The following FOXP2 variants were observed in gnomAD, a reference collection of about 807,000 sequenced individuals.
The protein encoded by FOXP2 is forkhead box protein P2.
A neutral mutation model predicts 115.8 loss-of-function variants in FOXP2; 12 were observed. The ratio of observed to expected loss-of-function variants is 0.10; its 90% CI spans 0.07 to 0.17. The LOEUF is 0.17. Among genes scored for constraint, FOXP2 ranks in the 10% least tolerant of loss-of-function variants. FOXP2 has a pLI of 1.00. For synonymous variants in FOXP2, 328 were observed against 297.7 expected, an observed-to-expected ratio of 1.10 and a Z score of -1.05; for missense variants, 629 against 843.5, an observed-to-expected ratio of 0.75 and a Z score of 3.15.
intron 2 of FOXP2, among the ~76,000 whole-genome samples, chr7:114,447,952 G>GA (rs919996896): frequency 2.0e-5 from 3 of 151,792 alleles, no homozygotes; most frequent in Middle Eastern, 3.4e-3. Flanking sequence ...TCTAGCAGAT[G>GA]AAAAAAAAGT....
chr7:114,203,770 G>A (rs1377983342), intron 1 of FOXP2, among the ~76,000 whole-genome samples: 2 of 151,988 alleles, frequency 1.3e-5, no homozygotes, highest in Non-Finnish European at 2.9e-5. Flanking sequence ...TTGCCACGTT[G>A]CAGTTGAGTA....
intron 2 of FOXP2, among the ~76,000 whole-genome samples, chr7:114,506,697 T>C (rs866906555): frequency 2.3e-4 from 35 of 151,860 alleles, no homozygotes; most frequent in Admixed American, 6.6e-4. Flanking sequence ...ATATTTCACA[T>C]TTATTGCAAC....
chr7:114,488,936 T>C (rs1046033736), intron 2 of FOXP2, among the ~76,000 whole-genome samples: 1 of 152,056 alleles, frequency 6.6e-6, no homozygotes, highest in Admixed American at 6.6e-5. Context: ...CTGTGAAATA[T>C]GAACACTTTT....
At chr7:114,596,213 G>A (rs1057417863) in intron 3 of FOXP2, among the ~76,000 whole-genome samples, 3 of 151,970 alleles carry the variant, frequency 2.0e-5, no homozygotes, top group Non-Finnish European at 2.9e-5. Context: ...ATCTCCTTAT[G>A]AATAGCTCCA....
intron 10 of FOXP2, among the ~76,000 whole-genome samples, chr7:114,657,685 G>A (rs946770687): frequency 6.6e-6 from 1 of 152,130 alleles, no homozygotes; most frequent in East Asian, 1.9e-4. Context: ...AATCCTATTG[G>A]TTAAAAACAT....
chr7:114,476,593 G>T (rs887166543), intron 2 of FOXP2, among the ~76,000 whole-genome samples: 1 of 151,772 alleles, frequency 6.6e-6, no homozygotes, highest in African/African-American at 2.4e-5. Context: ...GGATTACTTT[G>T]GCTATTCAGG....
At chr7:114,463,308 T>C in intron 2 of FOXP2, 1 of 221,358 alleles carries the variant, frequency 4.5e-6, no homozygotes, top group Non-Finnish European at 9.4e-6. Flanking sequence ...TTTGAATGTT[T>C]AGAACAGTGC....
intron 16 of FOXP2, among the ~76,000 whole-genome samples, chr7:114,687,708 A>G (rs1232909485): frequency 3.3e-5 from 5 of 152,204 alleles, no homozygotes; most frequent in Admixed American, 6.5e-5. Context: ...GTTTGTTACC[A>G]TATGATAAAT....
intron 3 of FOXP2, among the ~76,000 whole-genome samples, chr7:114,574,883 G>A (rs763414871): frequency 1.3e-5 from 2 of 151,790 alleles, no homozygotes; most frequent in African/African-American, 4.8e-5. Context: ...CCTAGCCTTG[G>A]TATAACTGCT....
chr7:114,271,680 T>C (rs1193312395), intron 1 of FOXP2, among the ~76,000 whole-genome samples: 4 of 117,658 alleles, frequency 3.4e-5, no homozygotes, highest in African/African-American at 1.4e-4. Context: ...TATTTAAAAT[T>C]ATATTTAATA....
At chr7:114,258,635 T>C (rs1431021385) in intron 1 of FOXP2, among the ~76,000 whole-genome samples, 1 of 152,228 alleles carries the variant, frequency 6.6e-6, no homozygotes, top group Non-Finnish European at 1.5e-5. Context: ...TTCATTTTAC[T>C]GGCACAACAT....
At chr7:114,397,982 G>GT (rs575066334) in intron 2 of FOXP2, among the ~76,000 whole-genome samples, 18 of 150,018 alleles carry the variant, frequency 1.2e-4, no homozygotes, top group East Asian at 7.8e-4. Context: ...CGAAGATTAA[G>GT]TTTTTTTTTT....
At chr7:114,418,703 A>G (rs954111109) in intron 1 of FOXP2, among the ~76,000 whole-genome samples, 3 of 151,964 alleles carry the variant, frequency 2.0e-5, no homozygotes, top group Admixed American at 6.6e-5. Flanking sequence ...CAGAAGGTCA[A>G]TGGCTTTTTT....
intron 1 of FOXP2, among the ~76,000 whole-genome samples, chr7:114,089,067 T>G (rs1331635786): frequency 6.6e-6 from 1 of 152,162 alleles, no homozygotes; most frequent in East Asian, 1.9e-4. Flanking sequence ...TCTTGCCTGC[T>G]TAACTTCTTT....
chr7:114,368,452 A>G (rs905615903), intron 2 of FOXP2, among the ~76,000 whole-genome samples: 34 of 152,198 alleles, frequency 2.2e-4, no homozygotes, highest in African/African-American at 8.0e-4. Context: ...AAATGGCCCT[A>G]TAACCATTTA....
intron 3 of FOXP2, among the ~76,000 whole-genome samples, chr7:114,579,374 G>T (rs978350128): frequency 3.3e-5 from 5 of 152,042 alleles, no homozygotes; most frequent in African/African-American, 1.2e-4. Flanking sequence ...GGGTACAGAG[G>T]TTACAGAATT....
intron 3 of FOXP2, among the ~76,000 whole-genome samples, chr7:114,568,803 A>T (rs778571124): frequency 2.2e-4 from 34 of 151,854 alleles, no homozygotes; most frequent in South Asian, 6.2e-4. Context: ...ATTTATTTTT[A>T]TTACTGTACT....
chr7:114,463,418 G>A (rs979871354), intron 2 of FOXP2, among the ~76,000 whole-genome samples: 2 of 152,170 alleles, frequency 1.3e-5, no homozygotes, highest in African/African-American at 4.8e-5. Flanking sequence ...CCATGAAAGT[G>A]GCCAATGTCA....
At chr7:114,588,156 A>C (rs1211178783) in intron 3 of FOXP2, among the ~76,000 whole-genome samples, 4 of 151,754 alleles carry the variant, frequency 2.6e-5, no homozygotes, top group African/African-American at 9.7e-5. Flanking sequence ...AAAAATACAA[A>C]AAAATTAGCC....
Sources: allele counts gnomAD v4.1 joint callset (sites outside exome capture counted in the v4.1 genomes callset), GRCh38; gene constraint gnomAD v4.1.1; transcripts MANE v1.5; gene names NCBI Gene and HGNC (gene_info 2026-07-23, HGNC 2026-07-21).